The following CLDN10 variants were observed in gnomAD, a reference collection of about 807,000 sequenced individuals.
The protein encoded by CLDN10 is claudin-10.
Under a neutral mutation model 22.9 loss-of-function variants are expected in CLDN10, and 15 were observed. The ratio of observed to expected loss-of-function variants is 0.65; its 90% CI spans 0.44 to 1.01. CLDN10 has a LOEUF of 1.01. CLDN10 is among the 50% of genes least tolerant of loss of function. The pLI is 0.00. For synonymous variants in CLDN10, 114 were observed against 111.4 expected (o/e 1.02, Z -0.15); for missense variants, 247 against 287.8 (o/e 0.86, Z 1.03).
intron 1 of CLDN10, among the ~76,000 whole-genome samples, chr13:95,554,565 G>A (rs984503655): frequency 6.6e-6 from 1 of 152,192 alleles, no homozygotes; most frequent in East Asian, 1.9e-4. Flanking sequence ...GCTGGGAGGA[G>A]AACAGAGAGG....
upstream of CLDN10, among the ~76,000 whole-genome samples, chr13:95,549,784 C>A (rs1292694595): frequency 6.6e-6 from 1 of 152,144 alleles, no homozygotes; most frequent in Non-Finnish European, 1.5e-5. Context: ...GGCATGACGA[C>A]CCTAGTCTGT....
At chr13:95,447,780 T>G (rs1310674531) in intron 1 of CLDN10, among the ~76,000 whole-genome samples, 1 of 151,910 alleles carries the variant, frequency 6.6e-6, no homozygotes, top group Non-Finnish European at 1.5e-5. Flanking sequence ...TGTGTATCCA[T>G]TTTTTCATCT....
At chr13:95,484,503 A>G (rs2042781113) in intron 1 of CLDN10, among the ~76,000 whole-genome samples, 1 of 152,186 alleles carries the variant, frequency 6.6e-6, no homozygotes, top group Non-Finnish European at 1.5e-5. Flanking sequence ...AAGAGGTGTT[A>G]CAAGGTCAAG....
chr13:95,450,791 T>C (rs541354081), intron 1 of CLDN10, among the ~76,000 whole-genome samples: 22 of 152,356 alleles, frequency 1.4e-4, no homozygotes, highest in Non-Finnish European at 8.8e-5. Flanking sequence ...CTCTCCCTGC[T>C]GAGTTTAGAT....
chr13:95,433,924 A>T (rs1163975093), exon 1 of CLDN10: 1 of 1,614,068 alleles, frequency 6.2e-7, no homozygotes, highest in African/African-American at 1.3e-5. Flanking sequence ...GTGGAAAGTG[A>T]CCACGCGAGC....
At chr13:95,533,458 C>G (rs2043367872) in intron 1 of CLDN10, among the ~76,000 whole-genome samples, 1 of 151,924 alleles carries the variant, frequency 6.6e-6, no homozygotes, top group South Asian at 2.1e-4. Flanking sequence ...ATAACACTCC[C>G]CTAATACATT....
intron 1 of CLDN10, among the ~76,000 whole-genome samples, chr13:95,473,139 CAAAAA>C (rs765295179): frequency 8.5e-5 from 5 of 58,778 alleles, no homozygotes; most frequent in Non-Finnish European, 1.6e-4. Flanking sequence ...AAACCTATCT[CAAAAA>C]AAAAAAAAAA....
At position 95,531,633 on chromosome 13, in the gene CLDN10, C is replaced by T. The variant is rs148959883; in HGVS notation, c.215-28499C>T. Among the ~76,000 whole-genome samples, 112 of 151,910 alleles carry T rather than the reference C, an allele frequency of 7.4e-4. 1 individual carries two copies. The highest frequency in any genetic ancestry group is 2.6e-3 in the African/African-American group (106 of 41,426). On this transcript the variant is annotated intron_variant, in intron 1 of 4. Coordinates refer to the CLDN10 transcript ENST00000376873. ...GCAACCTCCACCTCCTGGGTTCAAG[C>T]GATTCTTCTACCTCCCCTCTCAAGT...
rs897015714 is a variant in CLDN10 at position 95,579,606 on chromosome 13, C to G, written c.*1592C>G. ...TGTTATCTTTGAGTAAGAAACTGTCCGATATGAATCACAACGTGGGTGAAT... is the reference window on the plus strand; with the variant it reads ...TGTTATCTTTGAGTAAGAAACTGTCGGATATGAATCACAACGTGGGTGAAT... On this transcript the variant is annotated 3_prime_UTR_variant, in exon 5 of 5. Coordinates refer to ENST00000299339, the MANE Select transcript of CLDN10 (RefSeq NM_006984.5). 10 of 151,648 alleles carry G rather than the reference C, an allele frequency of 6.6e-5. No individual in the cohort carries two copies. Among genetic ancestry groups the G allele is most frequent in the Admixed American group, 5.9e-4 (9 of 15,232 alleles). The allele number at this position is 151,648 out of a possible 1,614,324, so 9.4% of individuals were successfully genotyped here. A position where few individuals can be genotyped will look rare whatever the true frequency, so the allele number is the denominator to read the frequency against.
chr13:95,475,784 G>A (rs1429415167), intron 1 of CLDN10, among the ~76,000 whole-genome samples: 1 of 133,288 alleles, frequency 7.5e-6, no homozygotes, highest in East Asian at 2.1e-4. Context: ...GAGGGTCCCT[G>A]CATCTCTCTC....
upstream of CLDN10, among the ~76,000 whole-genome samples, chr13:95,548,745 G>GT (rs1397983121): frequency 1.3e-5 from 2 of 151,896 alleles, no homozygotes; most frequent in African/African-American, 4.8e-5. Context: ...CTGGGCAGTT[G>GT]TTTTTTTTAG....
chr13:95,574,046 A>G (rs7325366), intron 3 of CLDN10, among the ~76,000 whole-genome samples: 135,357 of 152,162 alleles, frequency 0.89, 60,294 homozygotes, highest in Non-Finnish European at 0.91. Context: ...CAAAGGACAT[A>G]AATTCATACT....
intron 1 of CLDN10, among the ~76,000 whole-genome samples, chr13:95,460,185 C>T (rs2042521315): frequency 6.6e-6 from 1 of 152,196 alleles, no homozygotes; most frequent in Admixed American, 6.5e-5. Context: ...TGGTCAAAGT[C>T]ATTCAACAAG....
At chr13:95,555,148 A>C (rs1488258155) in intron 1 of CLDN10, among the ~76,000 whole-genome samples, 1 of 148,072 alleles carries the variant, frequency 6.8e-6, no homozygotes, top group African/African-American at 2.5e-5. Flanking sequence ...CCTCCCAGGT[A>C]CAAGTGATTC....
intron 1 of CLDN10, among the ~76,000 whole-genome samples, chr13:95,444,443 TA>T (rs1594522414): frequency 6.6e-6 from 1 of 152,188 alleles, no homozygotes; most frequent in Admixed American, 6.5e-5. Context: ...GTGCAGAATA[TA>T]GGCTCTGAGG....
chr13:95,534,960 C>T (rs898930165), intron 1 of CLDN10, among the ~76,000 whole-genome samples: 6 of 152,072 alleles, frequency 3.9e-5, no homozygotes, highest in African/African-American at 9.7e-5. Context: ...AATGGAAGCA[C>T]GCCACCAAGA....
At chr13:95,473,855 G>A (rs2042659675) in intron 1 of CLDN10, among the ~76,000 whole-genome samples, 1 of 152,196 alleles carries the variant, frequency 6.6e-6, no homozygotes, top group African/African-American at 2.4e-5. Context: ...GCTTCGGAGG[G>A]AACAAACCCC....
Position 95,494,304 on chromosome 13 carries a change from C to T in CLDN10, c.214+60257C>T, listed in dbSNP as rs561848314. On this transcript the variant is annotated intron_variant, in intron 1 of 4. Transcript: ENST00000376873. ...GTGGCACGAATAATCATGACATTTG[C>T]TAAATCCAGTTGGTATTTACACAAG... 9.5e-4 allele frequency among the ~76,000 whole-genome samples: 144 copies of T among 152,308 alleles called. 1 individual carries two copies. The highest frequency in any genetic ancestry group is 4.1e-3 in the Admixed American group (62 of 15,300).
chr13:95,489,347 G>GC (rs2042843986), intron 1 of CLDN10, among the ~76,000 whole-genome samples: 1 of 152,044 alleles, frequency 6.6e-6, no homozygotes, highest in East Asian at 1.9e-4. Flanking sequence ...CAGCAATGCA[G>GC]AAGGGTTCCC....
Sources: allele counts gnomAD v4.1 joint callset (sites outside exome capture counted in the v4.1 genomes callset), GRCh38; gene constraint gnomAD v4.1.1; transcripts MANE v1.5; gene names NCBI Gene and HGNC (gene_info 2026-07-23, HGNC 2026-07-21).